ABI3BP: variants seen among roughly 807,000 people sequenced by gnomAD.
ABI3BP encodes the protein ABI family member 3 binding protein, also known as target of Nesh-SH3.
Under a neutral mutation model 268.6 loss-of-function variants are expected in ABI3BP, and 216 were observed. The ratio of observed to expected loss-of-function variants is 0.80; its 90% CI spans 0.72 to 0.90. The LOEUF is 0.90. Ranked by LOEUF, ABI3BP falls within the 40% of genes least tolerant of loss-of-function variation. ABI3BP has a pLI of 0.00. For synonymous variants in ABI3BP, 730 were observed against 730.0 expected (o/e 1.00, Z 0.00); for missense variants, 2,090 against 2,182.4 (o/e 0.96, Z 0.84).
intron 56 of ABI3BP, among the ~76,000 whole-genome samples, chr3:100,788,147 T>C (rs2097104702): frequency 6.6e-6 from 1 of 152,156 alleles, no homozygotes; most frequent in African/African-American, 2.4e-5. Context: ...GGACTACATA[T>C]GTCTAATGAA....
intron 1 of ABI3BP, among the ~76,000 whole-genome samples, chr3:100,970,133 T>C (rs952698692): frequency 3.9e-5 from 6 of 152,164 alleles, no homozygotes; most frequent in African/African-American, 1.4e-4. Flanking sequence ...CTCTGTTATA[T>C]TGTTAAAAAA....
chr3:100,912,198 C>T (rs2056806616), intron 2 of ABI3BP: 2 of 196,518 alleles, frequency 1.0e-5, no homozygotes, highest in Non-Finnish European at 1.9e-5. Context: ...GCTCAGGCTT[C>T]AGGAGACCTA....
chr3:100,885,544 G>T lies in ABI3BP; in HGVS notation c.688C>A (p.His230Asn). The change falls in exon 6 of 68, where the codon CAC (histidine) becomes AAC (asparagine). Residue 230 changes from histidine (H) to asparagine (N), a missense_variant. Transcript: ENST00000471714. Reference protein sequence around the residue: ...GKIQSTYDQDHTVPAYVPRKL... With the variant: ...GKIQSTYDQDNTVPAYVPRKL... ...AATAAACTGTTACATACCACTGTGT[G>T]GTCTTGGTCATAGGTACTTTGGATT... The T allele has an allele frequency of 6.4e-7, 1 of 1,551,012 alleles. No homozygotes were observed. The highest frequency in any genetic ancestry group is 1.4e-5 in the African/African-American group (1 of 73,602).
chr3:100,822,930 G>T (rs1560461829), intron 37 of ABI3BP, among the ~76,000 whole-genome samples: 4 of 152,044 alleles, frequency 2.6e-5, no homozygotes, highest in Admixed American at 1.3e-4. Context: ...TACCAAAAAG[G>T]TTAAGTACTA....
At chr3:100,859,627 A>C (rs1239520555) in intron 14 of ABI3BP, among the ~76,000 whole-genome samples, 2 of 152,240 alleles carry the variant, frequency 1.3e-5, no homozygotes, top group East Asian at 3.9e-4. Context: ...AAAGGGCTAC[A>C]TAAATATACC....
intron 65 of ABI3BP, among the ~76,000 whole-genome samples, chr3:100,753,460 T>G (rs1027935369): frequency 1.3e-5 from 2 of 152,044 alleles, no homozygotes; most frequent in African/African-American, 4.8e-5. Context: ...TAATTTTTTA[T>G]TTTTAAATTT....
In ABI3BP at chr3:100,770,385, A is replaced by T. The variant is rs116034547; in HGVS notation, c.4741+358T>A. Among the ~76,000 whole-genome samples, 520 of 152,332 alleles carry T rather than the reference A, an allele frequency of 3.4e-3. 5 individuals carry two copies. Among genetic ancestry groups the T allele is most frequent in the Non-Finnish European group, 5.0e-3 (339 of 68,028 alleles). On this transcript the variant is annotated intron_variant, in intron 62 of 67. Coordinates refer to ENST00000471714, the MANE Select transcript of ABI3BP (RefSeq NM_001375547.2). ...GTCTGCTAGAAAGTTCTAGGTCAAT[A>T]AGAAATGGGGTTGGTGAAAGGAAAA... is the stretch of plus-strand genomic sequence containing the variant.
intron 27 of ABI3BP, among the ~76,000 whole-genome samples, chr3:100,836,283 T>C (rs957529739): frequency 2.0e-5 from 3 of 152,194 alleles, no homozygotes; most frequent in African/African-American, 7.2e-5. Flanking sequence ...AAAGGATTTC[T>C]ATAACATTCT....
In ABI3BP at chr3:100,749,784, T is replaced by C. The variant is rs1333153725; in HGVS notation, c.*711A>G. ...AGTTTGACAAAGCATATTCAGATAT[T>C]GTAACATTTATGGTGGGTAAAAATG... On this transcript the variant is annotated 3_prime_UTR_variant, in exon 68 of 68. Coordinates refer to ENST00000471714, the MANE Select transcript of ABI3BP (RefSeq NM_001375547.2). 1 of 397,886 alleles carries C rather than the reference T, an allele frequency of 2.5e-6. No individual in the cohort carries two copies. The highest frequency in any genetic ancestry group is 2.1e-5 in the African/African-American group (1 of 48,608). 24.6% of individuals were successfully genotyped at this position (397,886 alleles called of 1,614,324 possible).
intron 1 of ABI3BP, among the ~76,000 whole-genome samples, chr3:100,959,389 C>T (rs1252023121): frequency 6.8e-6 from 1 of 147,124 alleles, no homozygotes; most frequent in African/African-American, 2.5e-5. Flanking sequence ...ACTCGGGAGG[C>T]TGAGGCAGGA....
Position 100,991,804 on chromosome 3 carries a change from GA to G in ABI3BP, c.79+1501del, listed in dbSNP as rs571688547. ...TTTTTTCTTTCCCATTATAAATAAA[GA>G]AAAATTGTGTCAAGAGATTTGTGTC... is the stretch of plus-strand genomic sequence containing the variant. On this transcript the variant is annotated intron_variant, in intron 1 of 67. Transcript: ENST00000471714. Among the ~76,000 whole-genome samples the G allele has an allele frequency of 2.5e-3, 376 of 151,664 alleles. 2 individuals are homozygous for G. The highest frequency in any genetic ancestry group is 8.9e-3 in the African/African-American group (366 of 41,344).
rs142031229 is a variant in ABI3BP at position 100,982,610 on chromosome 3, T to C, written c.79+10696A>G. ...ACCCACTAACCCATGGTGCTAATTTTCAGTATTTATCTTTCCAGCTCATAA... is the reference window on the plus strand; with the variant it reads ...ACCCACTAACCCATGGTGCTAATTTCCAGTATTTATCTTTCCAGCTCATAA... On this transcript the variant is annotated intron_variant, in intron 1 of 67. Coordinates refer to ENST00000471714, the MANE Select transcript of ABI3BP (RefSeq NM_001375547.2). Among the ~76,000 whole-genome samples, 1,072 of 152,056 alleles carry C rather than the reference T, an allele frequency of 7.1e-3. 10 individuals are homozygous for C. Among genetic ancestry groups the C allele is most frequent in the African/African-American group, 0.025 (1,028 of 41,494 alleles).
At chr3:100,831,527 C>T (rs1339528853) in intron 31 of ABI3BP, among the ~76,000 whole-genome samples, 1 of 152,088 alleles carries the variant, frequency 6.6e-6, no homozygotes. Context: ...GTTCTAAGAA[C>T]AGAAAAAGCA....
intron 51 of ABI3BP, among the ~76,000 whole-genome samples, chr3:100,799,498 TA>T (rs1560205986): frequency 6.6e-6 from 1 of 152,204 alleles, no homozygotes; most frequent in Non-Finnish European, 1.5e-5. Flanking sequence ...TGGAAACTGC[TA>T]ATTCTGAAGC....
intron 9 of ABI3BP, among the ~76,000 whole-genome samples, chr3:100,874,085 G>T (rs1470461738): frequency 6.6e-6 from 1 of 152,088 alleles, no homozygotes; most frequent in Non-Finnish European, 1.5e-5. Context: ...CTCAAAGTGT[G>T]GTTCCTAGAC....
At chr3:100,909,485 A>C (rs1411130709) in intron 2 of ABI3BP, among the ~76,000 whole-genome samples, 2 of 152,212 alleles carry the variant, frequency 1.3e-5, no homozygotes, top group Non-Finnish European at 2.9e-5. Flanking sequence ...AGGCACCTAC[A>C]GAATGGGAGA....
intron 1 of ABI3BP, among the ~76,000 whole-genome samples, chr3:100,957,170 A>C (rs2077121267): frequency 6.6e-6 from 1 of 152,220 alleles, no homozygotes; most frequent in African/African-American, 2.4e-5. Flanking sequence ...GTTTCAATCA[A>C]GGTGGGAGAT....
rs2053760472 is a variant in ABI3BP, at chr3:100,907,101, A to G, written c.260-4415T>C. ...AACAGATTAAATCCTATGCAACTAC[A>G]TGCTAGTACAAGTCAAAGTACTTAA... On this transcript the variant is annotated intron_variant, in intron 2 of 67. Coordinates refer to ENST00000471714, the MANE Select transcript of ABI3BP (RefSeq NM_001375547.2). 3.9e-5 allele frequency among the ~76,000 whole-genome samples: 6 copies of G among 152,250 alleles called. No homozygotes were observed. The South Asian group carries it at 1.2e-3, about 31-fold the overall frequency.
At chr3:100,896,866 G>T (rs1307899132) in intron 4 of ABI3BP, among the ~76,000 whole-genome samples, 1 of 152,096 alleles carries the variant, frequency 6.6e-6, no homozygotes, top group Non-Finnish European at 1.5e-5. Context: ...TCAAAAAATT[G>T]GGTTTTGGAA....
Sources: gnomAD v4.1 joint callset for allele counts (sites outside exome capture counted in the v4.1 genomes callset) on GRCh38, gnomAD v4.1.1 for gene constraint, MANE v1.5 for transcripts, NCBI Gene and HGNC (gene_info 2026-07-23, HGNC 2026-07-21) for gene names.